The following GSE1 variants were observed in gnomAD, a reference collection of about 807,000 sequenced individuals.
The protein encoded by GSE1 is Gse1 coiled-coil protein, also known as genetic suppressor element 1.
Under a neutral mutation model 112.6 loss-of-function variants are expected in GSE1, and 32 were observed. The observed-to-expected ratio is 0.28, with a 90% CI of 0.21 to 0.38. The LOEUF is 0.38. GSE1 is among the 10% of genes least tolerant of loss of function. The probability of loss-of-function intolerance (pLI) is 1.00; values close to 1 mark genes in which losing one functional copy is unlikely to be tolerated. For missense variants in GSE1, 2,348 were observed against 1,699.2 expected (o/e 1.38, Z -6.71); for synonymous variants, 1,115 against 735.6 (o/e 1.52, Z -8.35).
intron 2 of GSE1, among the ~76,000 whole-genome samples, chr16:85,440,387 G>A (rs1178293452): frequency 6.6e-6 from 1 of 152,248 alleles, no homozygotes; most frequent in African/African-American, 2.4e-5. Flanking sequence ...GAGATAGCCA[G>A]CTGCTGGACT....
At chr16:85,351,011 C>T (rs564826281) in intron 1 of GSE1, among the ~76,000 whole-genome samples, 390 of 152,316 alleles carry the variant, frequency 2.6e-3, no homozygotes, top group Non-Finnish European at 3.3e-3. Flanking sequence ...AACTTCTGGG[C>T]TTAAGTGATC....
intron 1 of GSE1, among the ~76,000 whole-genome samples, chr16:85,298,831 G>A (rs2045437943): frequency 6.6e-6 from 1 of 152,270 alleles, no homozygotes; most frequent in African/African-American, 2.4e-5. Flanking sequence ...GCACTCCGCT[G>A]CAGATGGGCT....
At chr16:85,483,817 G>C (rs2050755180) in intron 2 of GSE1, among the ~76,000 whole-genome samples, 1 of 152,266 alleles carries the variant, frequency 6.6e-6, no homozygotes, top group Non-Finnish European at 1.5e-5. Context: ...TGTGATTATT[G>C]TGTGAATAAT....
At chr16:85,499,167 G>A (rs2051278498) in intron 2 of GSE1, among the ~76,000 whole-genome samples, 1 of 152,130 alleles carries the variant, frequency 6.6e-6, no homozygotes, top group Non-Finnish European at 1.5e-5. Flanking sequence ...GGACACTCCT[G>A]GGAGTGGCTT....
chr16:85,536,749 G>T (rs1488065844), intron 2 of GSE1, among the ~76,000 whole-genome samples: 1 of 152,202 alleles, frequency 6.6e-6, no homozygotes, highest in Non-Finnish European at 1.5e-5. Flanking sequence ...GTCTCTGAGG[G>T]GTGAGAGGGA....
chr16:85,243,904 A>G (rs561786252), intron 1 of GSE1, among the ~76,000 whole-genome samples: 1 of 152,282 alleles, frequency 6.6e-6, no homozygotes, highest in East Asian at 1.9e-4. Context: ...AGGTGGGCGG[A>G]TCACCTGAAG....
intron 1 of GSE1, among the ~76,000 whole-genome samples, chr16:85,239,354 C>T (rs1343830919): frequency 6.6e-6 from 1 of 152,208 alleles, no homozygotes; most frequent in Non-Finnish European, 1.5e-5. Flanking sequence ...AGGTATTGAG[C>T]ACCAGGTGTG....
intron 2 of GSE1, among the ~76,000 whole-genome samples, chr16:85,369,712 A>G (rs971424405): frequency 6.6e-6 from 1 of 152,156 alleles, no homozygotes; most frequent in African/African-American, 2.4e-5. Flanking sequence ...TTAGATGTGG[A>G]CGTCTTTTGG....
intron 2 of GSE1, among the ~76,000 whole-genome samples, chr16:85,638,115 C>T (rs1005363087): frequency 6.6e-6 from 1 of 152,212 alleles, no homozygotes; most frequent in Admixed American, 6.5e-5. Context: ...GCACGCCTGA[C>T]GACTTCTGGA....
intron 1 of GSE1, among the ~76,000 whole-genome samples, chr16:85,563,000 C>T (rs550025014): frequency 1.3e-5 from 2 of 152,334 alleles, no homozygotes; most frequent in Admixed American, 1.3e-4. Flanking sequence ...GGGATCCCCT[C>T]TTAGGGGACC....
At chr16:85,331,393 G>GTATATATA (rs1266307216) in intron 1 of GSE1, among the ~76,000 whole-genome samples, 10 of 91,540 alleles carry the variant, frequency 1.1e-4, no homozygotes, top group South Asian at 3.9e-4. Context: ...GTATATATAT[G>GTATATATA]TGTATATATG....
chr16:85,277,270 C>T (rs1274668891), intron 1 of GSE1, among the ~76,000 whole-genome samples: 3 of 152,182 alleles, frequency 2.0e-5, no homozygotes, highest in African/African-American at 7.2e-5. Flanking sequence ...CTGGCCAGTG[C>T]CTCCAGACGG....
chr16:85,554,825 C>T, upstream of GSE1: 2 of 956,936 alleles, frequency 2.1e-6, no homozygotes, highest in Non-Finnish European at 1.2e-6. Flanking sequence ...GCGGCCAGAG[C>T]GCGGAGTTGG....
At chr16:85,213,418 A>C (rs1383033956) in intron 1 of GSE1, among the ~76,000 whole-genome samples, 1 of 152,096 alleles carries the variant, frequency 6.6e-6, no homozygotes, top group African/African-American at 2.4e-5. Context: ...GTGCCACTGC[A>C]CTCCAGCTTG....
At chr16:85,578,236 C>G (rs1017557323) in intron 1 of GSE1, among the ~76,000 whole-genome samples, 3 of 152,220 alleles carry the variant, frequency 2.0e-5, no homozygotes, top group Non-Finnish European at 2.9e-5. Flanking sequence ...GCTTGCTGTG[C>G]GGCTTCCCCC....
In GSE1 at chr16:85,300,886, C is replaced by T. The variant is rs542941086; in HGVS notation, c.2284-56577C>T. On this transcript the variant is annotated intron_variant, in intron 1 of 2. Coordinates refer to the GSE1 transcript ENST00000637419. ...GGACTCACGCCCCATACCTTGAACC[C>T]GCCAGCCATCCTGCCTCCCAGAATT... Among the ~76,000 whole-genome samples, 22 of 152,328 alleles carry T rather than the reference C, an allele frequency of 1.4e-4. 1 individual carries two copies. The South Asian group carries it at 3.9e-3, about 27-fold the overall frequency.
intron 2 of GSE1, among the ~76,000 whole-genome samples, chr16:85,548,370 T>A (rs1054127476): frequency 2.0e-5 from 3 of 151,856 alleles, no homozygotes; most frequent in South Asian, 2.1e-4. Context: ...TTTTTTTTTT[T>A]AAACTAGGTC....
intron 2 of GSE1, among the ~76,000 whole-genome samples, chr16:85,519,161 G>A (rs2052052940): frequency 6.7e-6 from 1 of 150,298 alleles, no homozygotes; most frequent in South Asian, 2.1e-4. Flanking sequence ...GACCACTTAG[G>A]TTCTAGGTAT....
intron 2 of GSE1, among the ~76,000 whole-genome samples, chr16:85,493,859 C>T (rs1348107071): frequency 4.6e-5 from 7 of 150,928 alleles, no homozygotes; most frequent in African/African-American, 1.2e-4. Context: ...GGGAGCTCCT[C>T]GCTTGAGCTC....
Sources: gnomAD v4.1 joint callset for allele counts (sites outside exome capture counted in the v4.1 genomes callset) on GRCh38, gnomAD v4.1.1 for gene constraint, MANE v1.5 for transcripts, NCBI Gene and HGNC (gene_info 2026-07-23, HGNC 2026-07-21) for gene names.